The following SYT17 variants were observed in gnomAD, a reference collection of about 807,000 sequenced individuals.
SYT17 encodes the protein synaptotagmin-17.
In SYT17, 22 loss-of-function variants were observed where a neutral mutation model predicts 46.7. That is an observed-to-expected ratio of 0.47 (90% CI 0.34 to 0.67). SYT17 has a LOEUF of 0.67. SYT17 is among the 30% of genes least tolerant of loss of function. The pLI, the probability that SYT17 is intolerant of heterozygous loss-of-function variation, is 0.01. For missense variants in SYT17, 519 were observed against 612.8 expected (o/e 0.85, Z 1.62); for synonymous variants, 251 against 248.4 (o/e 1.01, Z -0.10).
chr16:19,238,680 C>T (rs1444777613), intron 7 of SYT17, among the ~76,000 whole-genome samples: 1 of 152,188 alleles, frequency 6.6e-6, no homozygotes, highest in Non-Finnish European at 1.5e-5. Flanking sequence ...CAGGCAGATC[C>T]CCATGGGGGA....
At chr16:19,250,761 C>A (rs1212390447) in intron 7 of SYT17, among the ~76,000 whole-genome samples, 1 of 152,080 alleles carries the variant, frequency 6.6e-6, no homozygotes. Context: ...GTCCAACACA[C>A]ATACAGAAAG....
Position 19,220,303 on chromosome 16 carries a change from C to CTTTTTTTTTTTTTTTTTTTTT in SYT17, c.952-2725_952-2724insTTTTTTTTTTTTTTTTTTTTT, listed in dbSNP as rs1555459738. ...TTCAATGACATTTCTTTCTTTCTTT[C>CTTTTTTTTTTTTTTTTTTTTT]TTTTTTTTTTTTTTTTTGAGATGAA... On this transcript the variant is annotated intron_variant, in intron 5 of 7. Transcript: ENST00000355377. Among the ~76,000 whole-genome samples the CTTTTTTTTTTTTTTTTTTTTT allele has an allele frequency of 1.9e-4, 15 of 80,498 alleles. 1 individual carries two copies. The highest frequency in any genetic ancestry group is 6.5e-4 in the African/African-American group (13 of 19,866). The allele number at this position is 80,498 out of a possible 152,430, so 52.8% of individuals were successfully genotyped here.
At chr16:19,216,986 C>T (rs1966119915) in intron 5 of SYT17, among the ~76,000 whole-genome samples, 1 of 152,168 alleles carries the variant, frequency 6.6e-6, no homozygotes, top group African/African-American at 2.4e-5. Flanking sequence ...AACTAATTTA[C>T]ACTCCTGCCA....
At chr16:19,255,976 A>G (rs1968530542) in intron 7 of SYT17, among the ~76,000 whole-genome samples, 1 of 152,076 alleles carries the variant, frequency 6.6e-6, no homozygotes, top group East Asian at 1.9e-4. Context: ...CAAACAGCCC[A>G]AGCCTATTTC....
At chr16:19,176,298 C>T (rs113931698) in intron 3 of SYT17, among the ~76,000 whole-genome samples, 16 of 152,294 alleles carry the variant, frequency 1.1e-4, no homozygotes, top group East Asian at 1.9e-4. Flanking sequence ...TAGCCTGGCT[C>T]GGGTTATGTA....
At chr16:19,172,864 G>A in intron 2 of SYT17, 87 bp downstream of exon 2, 10 of 1,489,416 alleles carry the variant, frequency 6.7e-6, no homozygotes, top group Non-Finnish European at 9.3e-6. Flanking sequence ...GGGCTGTGGG[G>A]ATATTGAATA....
intron 7 of SYT17, among the ~76,000 whole-genome samples, chr16:19,246,807 T>C (rs1967611960): frequency 6.6e-6 from 1 of 152,252 alleles, no homozygotes; most frequent in Non-Finnish European, 1.5e-5. Context: ...GTCCCTCTTA[T>C]GAGCCAGGCA....
chr16:19,250,821 T>C (rs1450485534), intron 7 of SYT17, among the ~76,000 whole-genome samples: 4 of 152,186 alleles, frequency 2.6e-5, no homozygotes, highest in Non-Finnish European at 2.9e-5. Context: ...ATGTGACCAG[T>C]ACTCAGATTA....
chr16:19,185,684 A>G (rs564546120), intron 5 of SYT17, among the ~76,000 whole-genome samples: 20 of 151,820 alleles, frequency 1.3e-4, no homozygotes, highest in African/African-American at 4.6e-4. Flanking sequence ...CCAAGCTGCA[A>G]CCTTCCTCCC....
rs148340115 is a variant in SYT17 at position 19,242,077 on chromosome 16, A to G, written c.1228+17239A>G. ...TCAAACCCTGGTCATCTGGACTAGA[A>G]TCTGAGCTCTCAGTTACTGGGTTAT... On this transcript the variant is annotated intron_variant, in intron 7 of 7. Transcript: ENST00000355377. Among the ~76,000 whole-genome samples the G allele has an allele frequency of 1.8e-4, 28 of 152,326 alleles. 1 individual carries two copies. Among genetic ancestry groups the G allele is most frequent in the African/African-American group, 6.7e-4 (28 of 41,580 alleles).
intron 5 of SYT17, among the ~76,000 whole-genome samples, chr16:19,190,769 T>C (rs967959167): frequency 2.3e-3 from 2 of 858 alleles, no homozygotes; most frequent in African/African-American, 9.4e-3. Context: ...ATAATATTCC[T>C]GTGTGTGTGT....
intron 5 of SYT17, among the ~76,000 whole-genome samples, chr16:19,200,702 A>G (rs1334244592): frequency 6.6e-6 from 1 of 152,172 alleles, no homozygotes; most frequent in African/African-American, 2.4e-5. Context: ...GTGCAGTCAG[A>G]TATGTCTAGA....
intron 7 of SYT17, among the ~76,000 whole-genome samples, chr16:19,240,901 T>C (rs1443529111): frequency 6.6e-6 from 1 of 151,164 alleles, no homozygotes; most frequent in Non-Finnish European, 1.5e-5. Flanking sequence ...CCCAAGCATG[T>C]GCACACCCGG....
intron 5 of SYT17, among the ~76,000 whole-genome samples, chr16:19,203,069 C>T (rs1965526983): frequency 6.6e-6 from 1 of 152,154 alleles, no homozygotes; most frequent in Non-Finnish European, 1.5e-5. Flanking sequence ...CTGCCACCTA[C>T]TTACAATGTG....
intron 5 of SYT17, among the ~76,000 whole-genome samples, chr16:19,217,028 C>T (rs1442825451): frequency 6.6e-6 from 1 of 152,184 alleles, no homozygotes; most frequent in East Asian, 1.9e-4. Context: ...TTCTTCACAT[C>T]CTCTCCAGCA....
chr16:19,167,949 T>G (rs995228202), upstream of SYT17: 1 of 152,356 alleles, frequency 6.6e-6, no homozygotes, highest in African/African-American at 2.4e-5. Context: ...CCACCTTAAC[T>G]TGAGGCTCCC....
intron 5 of SYT17, among the ~76,000 whole-genome samples, chr16:19,215,008 G>A (rs1325883619): frequency 2.6e-5 from 4 of 151,970 alleles, no homozygotes; most frequent in Non-Finnish European, 2.9e-5. Flanking sequence ...GACTGATCTC[G>A]AACTCCCGAC....
At chr16:19,233,083 T>C (rs1966763666) in intron 7 of SYT17, among the ~76,000 whole-genome samples, 1 of 152,186 alleles carries the variant, frequency 6.6e-6, no homozygotes. Flanking sequence ...GGTTGGCCAA[T>C]CTTTGCCTCT....
intron 5 of SYT17, among the ~76,000 whole-genome samples, chr16:19,203,090 A>G (rs1052092077): frequency 6.6e-6 from 1 of 152,204 alleles, no homozygotes; most frequent in Non-Finnish European, 1.5e-5. Context: ...ATGTCAGCAC[A>G]TGCCTGGACC....
Sources: allele counts gnomAD v4.1 joint callset (sites outside exome capture counted in the v4.1 genomes callset), GRCh38; gene constraint gnomAD v4.1.1; transcripts MANE v1.5; gene names NCBI Gene and HGNC (gene_info 2026-07-23, HGNC 2026-07-21).